ING5: variants seen among roughly 807,000 people sequenced by gnomAD.
ING5 encodes inhibitor of growth family member 5, also known as inhibitor of growth protein 5.
A neutral mutation model predicts 37.4 loss-of-function variants in ING5; 17 were observed. That is an observed-to-expected ratio of 0.45 (90% confidence interval 0.31 to 0.68). The LOEUF is 0.68. ING5 is among the 30% of genes least tolerant of loss of function. ING5 has a pLI of 0.05. For synonymous variants in ING5, 123 were observed against 116.6 expected (o/e 1.06, Z -0.36); for missense variants, 233 against 311.9 (o/e 0.75, Z 1.91).
rs1246233181 is a variant in ING5 at position 241,723,250 on chromosome 2, C to A, written c.659C>A (p.Thr220Asn). 6.2e-7 allele frequency: 1 copy of A among 1,614,096 alleles called. No individual in the cohort carries two copies. Among genetic ancestry groups the A allele is most frequent in the Middle Eastern group, 1.6e-4 (1 of 6,084 alleles). Residue 220 changes from threonine (T) to asparagine (N), a missense_variant, in exon 7 of 8, where the codon ACC (threonine) becomes AAC (asparagine). Coordinates refer to ENST00000313552, the MANE Select transcript of ING5 (RefSeq NM_032329.6). ...TTTCACTTTGCCTGCGTGGACCTTA[C>A]CACGAAACCCAAAGGAAAATGGTGA... Reference protein sequence around the residue: ...EWFHFACVDLTTKPKGKWFCP... With the variant: ...EWFHFACVDLNTKPKGKWFCP...
chr2:241,694,981 C>A (rs938781706), intron 2 of ING5, among the ~76,000 whole-genome samples: 1 of 141,860 alleles, frequency 7.0e-6, no homozygotes, highest in Non-Finnish European at 1.5e-5. Flanking sequence ...GATTGCGCCA[C>A]CGCACTCCAG....
At chr2:241,722,047 T>C (rs997653332) in intron 5 of ING5, 1 of 984,130 alleles carries the variant, frequency 1.0e-6, no homozygotes. Context: ...GTCCAGGGAG[T>C]GTGTGGGGAG....
At chr2:241,695,388 C>T (rs1373190114) in intron 2 of ING5, among the ~76,000 whole-genome samples, 2 of 150,338 alleles carry the variant, frequency 1.3e-5, no homozygotes, top group African/African-American at 5.0e-5. Context: ...CACGCTGTCA[C>T]ATATAACAAA....
intron 5 of ING5, chr2:241,719,388 C>T (rs2070368624): frequency 8.8e-6 from 6 of 680,050 alleles, no homozygotes; most frequent in Non-Finnish European, 1.5e-5. Context: ...CCCACTCTGG[C>T]TGCAGGTCAT....
At chr2:241,705,163 C>T (rs7580765) in intron 2 of ING5, among the ~76,000 whole-genome samples, 15 of 152,084 alleles carry the variant, frequency 9.9e-5, no homozygotes, top group African/African-American at 3.6e-4. Flanking sequence ...CAAGCTCTGC[C>T]TCCTGGGTTC....
intron 2 of ING5, among the ~76,000 whole-genome samples, chr2:241,693,678 G>A (rs1474408908): frequency 2.8e-5 from 1 of 36,182 alleles, no homozygotes; most frequent in Non-Finnish European, 7.9e-5. Context: ...TTTTTTTTGA[G>A]ACTGAGTCTT....
intron 2 of ING5, among the ~76,000 whole-genome samples, chr2:241,705,394 CTTTT>C (rs774566608): frequency 1.7e-5 from 2 of 117,266 alleles, no homozygotes; most frequent in Admixed American, 1.9e-4. Flanking sequence ...CTGTTTTTTT[CTTTT>C]TTTTTTTTTT....
At chr2:241,702,341 C>T (rs2069764497) in intron 1 of ING5, among the ~76,000 whole-genome samples, 1 of 149,052 alleles carries the variant, frequency 6.7e-6, no homozygotes, top group South Asian at 2.1e-4. Flanking sequence ...TGCGTCACGG[C>T]GGGGCGGGGC....
intron 2 of ING5, 55 bp from the exon 3 acceptor site, chr2:241,709,161 T>G: frequency 1.3e-6 from 2 of 1,537,980 alleles, no homozygotes; most frequent in South Asian, 2.5e-5. Context: ...GCCAGTCTGG[T>G]GAGCACATCA....
chr2:241,702,468 G>C (rs1197905296), intron 1 of ING5, among the ~76,000 whole-genome samples: 1 of 151,946 alleles, frequency 6.6e-6, no homozygotes, highest in African/African-American at 2.4e-5. Context: ...GCCAGGTCCC[G>C]CCCGTCCCTG....
chr2:241,699,700 TCTGGGGC>T (rs1450345767), upstream of ING5, among the ~76,000 whole-genome samples: 1 of 151,994 alleles, frequency 6.6e-6, no homozygotes, highest in Non-Finnish European at 1.5e-5. Flanking sequence ...GGCGGGGGGT[TCTGGGGC>T]CTACACGTTA....
Position 241,711,376 on chromosome 2 carries a change from G to A in ING5, c.277-1G>A. On this transcript the variant is annotated splice_acceptor_variant, in intron 3 of 7. Coordinates refer to ENST00000313552, the MANE Select transcript of ING5 (RefSeq NM_032329.6). LOFTEE classifies it high-confidence loss of function. ...ATAAGACTTTGGGTATCCTTTTGTA[G>A]GTGGATAAACACATTCGAAGGCTTG... 6.7e-7 allele frequency: 1 copy of A among 1,493,972 alleles called. No homozygotes were observed. The highest frequency in any genetic ancestry group is 8.9e-7 in the Non-Finnish European group (1 of 1,121,338). The allele number at this position is 1,493,972 out of a possible 1,614,324, so 92.5% of individuals were successfully genotyped here.
chr2:241,721,613 CTG>C (rs2070438734), intron 5 of ING5: 1 of 985,332 alleles, frequency 1.0e-6, no homozygotes, highest in Admixed American at 6.1e-5. Flanking sequence ...CTGATCGTGA[CTG>C]TTTTTCTCAC....
chr2:241,688,351 G>A (rs2069486080), intron 1 of ING5, among the ~76,000 whole-genome samples: 1 of 152,184 alleles, frequency 6.6e-6, no homozygotes, highest in Non-Finnish European at 1.5e-5. Context: ...ATTGCTGGTA[G>A]CTTTCTAAGT....
intron 2 of ING5, among the ~76,000 whole-genome samples, chr2:241,696,581 T>G (rs1437324600): frequency 1.4e-5 from 2 of 143,086 alleles, no homozygotes; most frequent in African/African-American, 5.3e-5. Context: ...AACCCAGGAG[T>G]TGGAGACCAG....
intron 2 of ING5, among the ~76,000 whole-genome samples, chr2:241,694,977 G>A (rs13391291): frequency 0.062 from 8,206 of 133,072 alleles, 828 homozygotes; most frequent in African/African-American, 0.2. Context: ...CCGAGATTGC[G>A]CCACCGCACT....
rs551569113 is a variant in ING5 at position 241,727,835 on chromosome 2, G to C, written c.*2804G>C. 6.6e-6 allele frequency: 1 copy of C among 152,302 alleles called. No homozygotes were observed. Among genetic ancestry groups the C allele is most frequent in the Non-Finnish European group, 1.5e-5 (1 of 68,064 alleles). 9.4% of individuals were successfully genotyped at this position (152,302 alleles called of 1,614,324 possible). ...GGGTTGTTGATGCTTTTGGCTGCCC[G>C]GCTTCCTGAGGTCTCGCTGCTTTTT... is the stretch of plus-strand genomic sequence containing the variant. On this transcript the variant is annotated 3_prime_UTR_variant, in exon 8 of 8. Coordinates refer to ENST00000313552, the MANE Select transcript of ING5 (RefSeq NM_032329.6).
Position 241,725,497 on chromosome 2 carries a change from T to TGCC in ING5, c.*467_*469dup, listed in dbSNP as rs1237462340. ...GTGGGGCCACTGCCGTGGCGGCGGCTGCCCTCCTCACACTCGGCTCCGCGC... is the reference window on the plus strand; with the variant it reads ...GTGGGGCCACTGCCGTGGCGGCGGCTGCCGCCCTCCTCACACTCGGCTCCGCGC... On this transcript the variant is annotated 3_prime_UTR_variant, in exon 8 of 8. Transcript: ENST00000313552. 7 of 152,798 alleles carry TGCC rather than the reference T, an allele frequency of 4.6e-5. No individual in the cohort carries two copies. The highest frequency in any genetic ancestry group is 1.7e-4 in the African/African-American group (7 of 41,416). 9.5% of individuals were successfully genotyped at this position (152,798 alleles called of 1,614,324 possible).
At chr2:241,706,677 G>A (rs2069923920) in intron 2 of ING5, among the ~76,000 whole-genome samples, 1 of 150,544 alleles carries the variant, frequency 6.6e-6, no homozygotes. Flanking sequence ...TTGTAACATT[G>A]CATGTCTGAA....
Sources: gnomAD v4.1 joint callset for allele counts (sites outside exome capture counted in the v4.1 genomes callset) on GRCh38, gnomAD v4.1.1 for gene constraint, MANE v1.5 for transcripts, NCBI Gene and HGNC (gene_info 2026-07-23, HGNC 2026-07-21) for gene names.